FANK1: variants seen among roughly 807,000 people sequenced by gnomAD.
FANK1 encodes the protein fibronectin type III and ankyrin repeat domains 1.
Under a neutral mutation model 45.3 loss-of-function variants are expected in FANK1, and 44 were observed. That is an observed-to-expected ratio of 0.97 (90% CI 0.76 to 1.25). The LOEUF is 1.25. Ranked by LOEUF, FANK1 falls within the 50% of genes most tolerant of loss-of-function variation. The pLI, the probability that FANK1 is intolerant of heterozygous loss-of-function variation, is 0.00. For missense variants in FANK1, 391 were observed against 424.4 expected (o/e 0.92, Z 0.69); for synonymous variants, 149 against 152.5 (o/e 0.98, Z 0.17).
chr10:125,950,017 A>G, intron 1 of FANK1, among the ~76,000 whole-genome samples: 1 of 126,624 alleles, frequency 7.9e-6, no homozygotes, highest in African/African-American at 2.8e-5. Flanking sequence ...CAATGGGGAA[A>G]GGATTCCCTA....
intron 2 of FANK1, among the ~76,000 whole-genome samples, chr10:125,984,235 C>A (rs1951411255): frequency 6.6e-6 from 1 of 152,190 alleles, no homozygotes; most frequent in African/African-American, 2.4e-5. Flanking sequence ...CCTGCCACAG[C>A]CCAGGCCATG....
chr10:125,962,846 A>C (rs1381410460), intron 1 of FANK1, among the ~76,000 whole-genome samples: 1 of 152,056 alleles, frequency 6.6e-6, no homozygotes, highest in African/African-American at 2.4e-5. Context: ...TAAAAATTTT[A>C]GATTTATAAA....
rs77197760 is a variant in FANK1 at position 125,900,896 on chromosome 10, C to G, written c.13+4241C>G. 2.2e-5 allele frequency among the ~76,000 whole-genome samples: 3 copies of G among 138,838 alleles called. No individual in the cohort carries two copies. In the Admixed American group the frequency reaches 2.2e-4, roughly 10 times the overall value. The allele number at this position is 138,838 out of a possible 152,430, so 91.1% of individuals were successfully genotyped here. On this transcript the variant is annotated intron_variant, in intron 1 of 10. Transcript: ENST00000368693. ...AACTCCTGATCTCATGTGATCCACC[C>G]GCCTCGGCCTCCCAAAGTGCTGGGA... is the stretch of plus-strand genomic sequence containing the variant.
chr10:125,938,751 G>T (rs910889206), intron 1 of FANK1, among the ~76,000 whole-genome samples: 2 of 152,138 alleles, frequency 1.3e-5, no homozygotes, highest in Non-Finnish European at 2.9e-5. Flanking sequence ...GGAGGTTGCA[G>T]TGAGCCGAGA....
intron 1 of FANK1, among the ~76,000 whole-genome samples, chr10:125,906,025 G>C (rs145319081): frequency 6.6e-6 from 1 of 152,430 alleles, no homozygotes; most frequent in African/African-American, 2.4e-5. Flanking sequence ...TGGTCAGCTG[G>C]GTTTCCACCC....
Position 125,995,483 on chromosome 10 carries a change from G to A in FANK1, c.383G>A (p.Arg128Gln), listed in dbSNP as rs147888723. 2.9e-3 allele frequency: 4,721 copies of A among 1,614,054 alleles called. 13 individuals are homozygous for A. Among genetic ancestry groups the A allele is most frequent in the Non-Finnish European group, 3.7e-3 (4,409 of 1,179,966 alleles). Residue 128 changes from arginine (R) to glutamine (Q), a missense_variant, in exon 4 of 11, where the codon CGA (arginine) becomes CAA (glutamine). Coordinates refer to ENST00000368693, the MANE Select transcript of FANK1 (RefSeq NM_145235.5). ...VSVNDEDLLVRILQGGRVKVD... is the reference protein window; with the variant it reads ...VSVNDEDLLVQILQGGRVKVD... ...GTGAATGATGAAGATTTGCTGGTCC[G>A]AATACTTCAAGGAGGGTGAGAGAAC...
At chr10:126,007,851 A>G (rs1953350073) in intron 7 of FANK1, among the ~76,000 whole-genome samples, 1 of 152,238 alleles carries the variant, frequency 6.6e-6, no homozygotes, top group African/African-American at 2.4e-5. Flanking sequence ...GAGAGATTTC[A>G]GTGTAGAGAA....
chr10:125,905,765 T>C (rs1477620517), intron 1 of FANK1, among the ~76,000 whole-genome samples: 1 of 152,268 alleles, frequency 6.6e-6, no homozygotes, highest in Non-Finnish European at 1.5e-5. Context: ...CTTGGCTCTG[T>C]TCCCTCTATT....
chr10:125,982,992 G>T (rs1276178481), intron 2 of FANK1, among the ~76,000 whole-genome samples: 3 of 150,792 alleles, frequency 2.0e-5, no homozygotes, highest in East Asian at 1.9e-4. Context: ...ATTGTCTTTG[G>T]TGGGTCCTCC....
intron 1 of FANK1, among the ~76,000 whole-genome samples, chr10:125,951,437 G>T (rs1207979040): frequency 1.3e-5 from 2 of 152,174 alleles, no homozygotes; most frequent in African/African-American, 2.4e-5. Context: ...CAGTGTTGCT[G>T]TGAGTTGCTC....
intron 3 of FANK1, chr10:125,995,012 C>A: frequency 1.1e-6 from 1 of 886,368 alleles, no homozygotes; most frequent in Non-Finnish European, 1.3e-6. Flanking sequence ...AATGTTAAAG[C>A]ACTTTGTCTT....
chr10:125,898,247 T>C (rs1054404072), intron 1 of FANK1, among the ~76,000 whole-genome samples: 1 of 152,336 alleles, frequency 6.6e-6, no homozygotes, highest in East Asian at 1.9e-4. Flanking sequence ...ATGTGTAAAC[T>C]ATAATTTCAA....
intron 1 of FANK1, among the ~76,000 whole-genome samples, chr10:125,896,883 G>T (rs879502020): frequency 6.6e-6 from 1 of 152,212 alleles, no homozygotes; most frequent in Non-Finnish European, 1.5e-5. Context: ...CGCGCTGGGG[G>T]CTGGGAGCGA....
chr10:125,969,669 CGG>C (rs1950372727), intron 1 of FANK1, among the ~76,000 whole-genome samples: 1 of 150,938 alleles, frequency 6.6e-6, no homozygotes. Context: ...GGGTGTTTCT[CGG>C]AGAGGGGGAT....
intron 4 of FANK1, among the ~76,000 whole-genome samples, chr10:125,995,838 A>G (rs1178508983): frequency 6.6e-6 from 1 of 152,228 alleles, no homozygotes; most frequent in Non-Finnish European, 1.5e-5. Flanking sequence ...CTAATTTCTG[A>G]TGAAACAAGG....
At chr10:125,949,999 A>G (rs1264776205) in intron 1 of FANK1, among the ~76,000 whole-genome samples, 3,475 of 107,202 alleles carry the variant, frequency 0.032, 276 homozygotes, top group African/African-American at 0.1. Context: ...AAACGTGAGA[A>G]AAACAAGCAA....
At chr10:125,903,704 CAT>C (rs1274715004) in intron 1 of FANK1, among the ~76,000 whole-genome samples, 1 of 150,080 alleles carries the variant, frequency 6.7e-6, no homozygotes, top group East Asian at 1.9e-4. Flanking sequence ...TTTAAATAAA[CAT>C]ATTCAGGCTA....
In FANK1 at chr10:125,995,491, C is replaced by G; in HGVS notation, c.391C>G (p.Gln131Glu). The change falls in exon 4 of 11, where the codon CAA (glutamine) becomes GAA (glutamate). Residue 131 changes from glutamine to glutamate, a missense_variant. Transcript: ENST00000368693. The stretch of plus-strand genomic sequence containing the variant: ...TGAAGATTTGCTGGTCCGAATACTT[C>G]AAGGAGGGTGAGAGAACTCTGTCAG... The part of the protein sequence containing the change: ...NDEDLLVRIL[Q>E]GGRVKVDVPN... 6.2e-7 allele frequency: 1 copy of G among 1,614,050 alleles called. No individual in the cohort carries two copies. The highest frequency in any genetic ancestry group is 1.3e-5 in the African/African-American group (1 of 75,012).
At chr10:125,899,317 C>T (rs1241323790) in intron 1 of FANK1, among the ~76,000 whole-genome samples, 1 of 152,222 alleles carries the variant, frequency 6.6e-6, no homozygotes, top group Admixed American at 6.5e-5. Flanking sequence ...GCCCTGGCCT[C>T]CCAAAGTGCT....
Sources: allele counts gnomAD v4.1 joint callset (sites outside exome capture counted in the v4.1 genomes callset), GRCh38; gene constraint gnomAD v4.1.1; transcripts MANE v1.5; gene names NCBI Gene and HGNC (gene_info 2026-07-23, HGNC 2026-07-21).